MCUB: variants seen among roughly 807,000 people sequenced by gnomAD.
MCUB encodes mitochondrial calcium uniporter dominant negative subunit beta, also known as calcium uniporter regulatory subunit MCUb, mitochondrial.
Under a neutral mutation model 41.4 loss-of-function variants are expected in MCUB, and 46 were observed. The ratio of observed to expected loss-of-function variants is 1.11; its 90% CI spans 0.88 to 1.42. The LOEUF is 1.42. MCUB is among the 40% of genes most tolerant of loss of function. The pLI is 0.00. For missense variants in MCUB, 403 were observed against 404.9 expected, an observed-to-expected ratio of 1.00 and a Z score of 0.04; for synonymous variants, 148 against 148.2, an observed-to-expected ratio of 1.00 and a Z score of 0.01.
At chr4:109,614,588 TA>T (rs776513777) in intron 1 of MCUB, among the ~76,000 whole-genome samples, 2 of 150,434 alleles carry the variant, frequency 1.3e-5, no homozygotes, top group Non-Finnish European at 2.9e-5. Context: ...CTGTGAGAAA[TA>T]AATTTCTGTT....
chr4:109,674,104 TG>T, intron 4 of MCUB: 1 of 1,451,690 alleles, frequency 6.9e-7, no homozygotes, highest in Non-Finnish European at 9.7e-7. Flanking sequence ...TCGGGAATTC[TG>T]GGCAAAACCT....
At chr4:109,647,935 G>A (rs9993532) in intron 1 of MCUB, among the ~76,000 whole-genome samples, 107,984 of 152,062 alleles carry the variant, frequency 0.71, 39,142 homozygotes, top group African/African-American at 0.86. Context: ...GCTTCACACT[G>A]TTGAAAACCA....
chr4:109,589,349 C>T (rs1293522202), intron 1 of MCUB, among the ~76,000 whole-genome samples: 1 of 152,090 alleles, frequency 6.6e-6, no homozygotes, highest in Non-Finnish European at 1.5e-5. Flanking sequence ...CATTTGTCTC[C>T]CCTCTAGGAA....
At position 109,684,741 on chromosome 4, in the gene MCUB, T is replaced by G. The variant is rs202099251; in HGVS notation, c.816+95T>G. 1.5e-5 allele frequency: 10 copies of G among 653,498 alleles called. No homozygotes were observed. In the East Asian group the frequency reaches 2.6e-4, roughly 17 times the overall value. The allele number at this position is 653,498 out of a possible 1,614,324, so 40.5% of individuals were successfully genotyped here. ...CAAAAAAGCCTTTTTATTTACTGAATTACTGCCATCTGGTTTTTATGAGCT... is the reference window on the plus strand; with the variant it reads ...CAAAAAAGCCTTTTTATTTACTGAAGTACTGCCATCTGGTTTTTATGAGCT... On this transcript the variant is annotated intron_variant, in intron 6 of 7. Transcript: ENST00000394650.
At chr4:109,603,741 GC>G (rs1195261183) in intron 1 of MCUB, among the ~76,000 whole-genome samples, 2 of 151,006 alleles carry the variant, frequency 1.3e-5, no homozygotes, top group African/African-American at 2.4e-5. Context: ...GAGCCCCTCC[GC>G]CCGGCAGCTG....
intron 4 of MCUB, chr4:109,681,299 TTG>T (rs1245153712): frequency 3.8e-6 from 1 of 264,774 alleles, no homozygotes; most frequent in East Asian, 1.2e-4. Flanking sequence ...GGTCAGCAAA[TTG>T]TGGAAAAGCA....
chr4:109,619,201 G>A (rs974251906), intron 1 of MCUB, among the ~76,000 whole-genome samples: 6 of 151,986 alleles, frequency 3.9e-5, no homozygotes, highest in African/African-American at 1.2e-4. Context: ...TCAGCCTCCC[G>A]AGTGGCTGGG....
At chr4:109,676,054 G>A (rs1357455956) in intron 4 of MCUB, among the ~76,000 whole-genome samples, 3 of 152,184 alleles carry the variant, frequency 2.0e-5, no homozygotes, top group African/African-American at 7.2e-5. Flanking sequence ...CTGAAAAGGT[G>A]GAAGTGGCTT....
At chr4:109,668,255 G>A (rs1053179170) in intron 4 of MCUB, among the ~76,000 whole-genome samples, 1 of 152,058 alleles carries the variant, frequency 6.6e-6, no homozygotes, top group African/African-American at 2.4e-5. Flanking sequence ...CTGTAAACAT[G>A]AATTCATCTA....
intron 1 of MCUB, among the ~76,000 whole-genome samples, chr4:109,580,092 A>G (rs1416672623): frequency 2.0e-5 from 3 of 151,100 alleles, no homozygotes; most frequent in African/African-American, 7.3e-5. Flanking sequence ...ACGTGTTCTC[A>G]TTGTTCAGTT....
At chr4:109,612,628 C>G (rs1728037414) in intron 1 of MCUB, among the ~76,000 whole-genome samples, 1 of 152,090 alleles carries the variant, frequency 6.6e-6, no homozygotes, top group African/African-American at 2.4e-5. Context: ...TCTTCTAAAC[C>G]TAATTATCTT....
intron 1 of MCUB, among the ~76,000 whole-genome samples, chr4:109,619,006 A>C (rs1728190437): frequency 7.3e-6 from 1 of 137,764 alleles, no homozygotes; most frequent in Non-Finnish European, 1.6e-5. Flanking sequence ...CAACCTACCT[A>C]CCTACCTACC....
At chr4:109,631,613 C>T (rs1162418982) in intron 1 of MCUB, among the ~76,000 whole-genome samples, 6 of 152,246 alleles carry the variant, frequency 3.9e-5, no homozygotes, top group Non-Finnish European at 8.8e-5. Context: ...ATTTATTATC[C>T]GTCAGCCCCA....
chr4:109,650,042 A>G (rs1344807633), intron 1 of MCUB, among the ~76,000 whole-genome samples: 2 of 152,188 alleles, frequency 1.3e-5, no homozygotes, highest in Non-Finnish European at 2.9e-5. Context: ...TGTTTATTCA[A>G]AACTATCATA....
rs904096055 is a variant in MCUB, at chr4:109,658,916, T to C, written c.100-95T>C. 7.7e-6 allele frequency: 6 copies of C among 776,296 alleles called. No individual in the cohort carries two copies. The African/African-American group carries it at 8.7e-5, about 11-fold the overall frequency. The allele number at this position is 776,296 out of a possible 1,614,324, so 48.1% of individuals were successfully genotyped here. ...TGAGTTTTTCATTATGCTTTTCATA[T>C]AGTATTAAAAAGAATCTTATGGTAA... On this transcript the variant is annotated intron_variant, in intron 1 of 7. Coordinates refer to ENST00000394650, the MANE Select transcript of MCUB (RefSeq NM_017918.5).
At chr4:109,603,082 GCTCTCC>G (rs934632252) in intron 1 of MCUB, among the ~76,000 whole-genome samples, 1 of 151,602 alleles carries the variant, frequency 6.6e-6, no homozygotes, top group African/African-American at 2.4e-5. Flanking sequence ...TAGTTTTTTG[GCTCTCC>G]CTCTCCATCT....
rs775004344 is a variant in MCUB at position 109,687,467 on chromosome 4, A to G, written c.934-48A>G. 2.0e-5 allele frequency: 26 copies of G among 1,275,354 alleles called. No individual in the cohort carries two copies. In the Admixed American group the frequency reaches 4.5e-4, roughly 22 times the overall value. The allele number at this position is 1,275,354 out of a possible 1,614,324, so 79.0% of individuals were successfully genotyped here. ...ATTCCTCTCAAGCAGTAATGTTGGT[A>G]TGTTTCTCTTCTTTCTGATCACATG... On this transcript the variant is annotated intron_variant, in intron 7 of 7. Transcript: ENST00000394650.
intron 1 of MCUB, among the ~76,000 whole-genome samples, chr4:109,597,404 CG>C (rs1727588034): frequency 2.4e-5 from 3 of 125,700 alleles, no homozygotes; most frequent in South Asian, 2.6e-4. Context: ...GCTGGCCGGG[CG>C]GGGGGCTGAC....
At chr4:109,597,949 C>G (rs1468083552) in intron 1 of MCUB, among the ~76,000 whole-genome samples, 2 of 151,152 alleles carry the variant, frequency 1.3e-5, no homozygotes, top group African/African-American at 2.4e-5. Flanking sequence ...CTCCTCACAT[C>G]CCAGATGGGG....
Sources: gnomAD v4.1 joint callset for allele counts (sites outside exome capture counted in the v4.1 genomes callset) on GRCh38, gnomAD v4.1.1 for gene constraint, MANE v1.5 for transcripts, NCBI Gene and HGNC (gene_info 2026-07-23, HGNC 2026-07-21) for gene names.